The following SHISA9 variants were observed in gnomAD, a reference collection of about 807,000 sequenced individuals.
SHISA9 encodes protein shisa-9.
In SHISA9, 13 loss-of-function variants were observed where a neutral mutation model predicts 38.0. The ratio of observed to expected loss-of-function variants is 0.34; its 90% CI spans 0.22 to 0.54. The LOEUF is 0.54. SHISA9 is among the 20% of genes least tolerant of loss of function. SHISA9 has a pLI of 0.91. For synonymous variants in SHISA9, 275 were observed against 242.0 expected (o/e 1.14, Z -1.27); for missense variants, 538 against 575.8 (o/e 0.93, Z 0.67).
chr16:13,272,557 A>T, the SHISA9 span, among the ~76,000 whole-genome samples: 4 of 152,124 alleles, frequency 2.6e-5, no homozygotes, highest in Non-Finnish European at 5.9e-5. Flanking sequence ...AGTAAAATTG[A>T]TGAAGAGACC....
At chr16:13,285,462 G>GTTTTTTTTTTTTTT in the SHISA9 span, among the ~76,000 whole-genome samples, 25 of 95,788 alleles carry the variant, frequency 2.6e-4, no homozygotes, top group African/African-American at 1.1e-3. Flanking sequence ...TTCAGGTGTA[G>GTTTTTTTTTTTTTT]TTTTTTTTTT....
At chr16:13,293,263 C>A in the SHISA9 span, among the ~76,000 whole-genome samples, 2 of 152,170 alleles carry the variant, frequency 1.3e-5, no homozygotes, top group Non-Finnish European at 2.9e-5. Flanking sequence ...CACACACACA[C>A]CCTTACTTTT....
intron 2 of SHISA9, among the ~76,000 whole-genome samples, chr16:12,989,995 C>T (rs2072363938): frequency 6.6e-6 from 1 of 152,172 alleles, no homozygotes; most frequent in Non-Finnish European, 1.5e-5. Flanking sequence ...GTGTCCTCAT[C>T]ATTCAGCTCC....
intron 2 of SHISA9, among the ~76,000 whole-genome samples, chr16:13,199,956 G>C (rs1404341553): frequency 6.6e-6 from 1 of 152,166 alleles, no homozygotes; most frequent in Non-Finnish European, 1.5e-5. Context: ...AGCTTTGCCT[G>C]TGAACATGGG....
chr16:13,133,889 C>T (rs1353750466), intron 2 of SHISA9, among the ~76,000 whole-genome samples: 1 of 152,168 alleles, frequency 6.6e-6, no homozygotes, highest in Non-Finnish European at 1.5e-5. Context: ...AATATTTTAT[C>T]ATCGACATTG....
the SHISA9 span, among the ~76,000 whole-genome samples, chr16:13,260,827 CATG>C: frequency 1.3e-5 from 2 of 152,150 alleles, no homozygotes; most frequent in African/African-American, 2.4e-5. Context: ...ACTTCATTTT[CATG>C]CTGCTGATAA....
intron 2 of SHISA9, among the ~76,000 whole-genome samples, chr16:13,008,922 T>C (rs539288600): frequency 3.3e-5 from 5 of 152,042 alleles, no homozygotes; most frequent in Non-Finnish European, 7.3e-5. Flanking sequence ...ATATAAATTA[T>C]CCATAAAACA....
the SHISA9 span, among the ~76,000 whole-genome samples, chr16:13,303,545 A>G: frequency 6.6e-6 from 1 of 152,232 alleles, no homozygotes; most frequent in Admixed American, 6.5e-5. Flanking sequence ...GAATAGGTAA[A>G]CCTATAGAGA....
At chr16:13,043,530 G>A (rs8056891) in intron 2 of SHISA9, among the ~76,000 whole-genome samples, 90,671 of 152,060 alleles carry the variant, frequency 0.6, 28,066 homozygotes, top group Middle Eastern at 0.73. Context: ...TGCAAAACAC[G>A]TTATATTAAT....
chr16:13,150,510 A>C (rs1195392377), intron 2 of SHISA9, among the ~76,000 whole-genome samples: 1 of 152,180 alleles, frequency 6.6e-6, no homozygotes, highest in Non-Finnish European at 1.5e-5. Context: ...GGCTCACAAC[A>C]AACTCCAAGA....
chr16:13,216,332 G>A (rs1287153227), intron 4 of SHISA9, among the ~76,000 whole-genome samples: 1 of 152,122 alleles, frequency 6.6e-6, no homozygotes, highest in Non-Finnish European at 1.5e-5. Flanking sequence ...TCTGCAAAAT[G>A]GAGACCATCA....
the SHISA9 span, among the ~76,000 whole-genome samples, chr16:13,319,128 C>T: frequency 1.3e-5 from 2 of 152,248 alleles, no homozygotes; most frequent in African/African-American, 4.8e-5. Flanking sequence ...CTGCCTCAGC[C>T]TCCCGAGTAG....
intron 2 of SHISA9, among the ~76,000 whole-genome samples, chr16:12,934,028 G>A (rs1397568691): frequency 2.0e-5 from 3 of 152,282 alleles, no homozygotes; most frequent in Admixed American, 6.5e-5. Context: ...AGAGTGGGGG[G>A]AAAGGGCATT....
chr16:13,557,743 C>G, the SHISA9 span, among the ~76,000 whole-genome samples: 2 of 152,152 alleles, frequency 1.3e-5, no homozygotes, highest in Admixed American at 6.5e-5. Context: ...TCCCAGCAAT[C>G]TCTACCCAGG....
chr16:13,384,406 A>G, the SHISA9 span, among the ~76,000 whole-genome samples: 1 of 152,200 alleles, frequency 6.6e-6, no homozygotes, highest in Non-Finnish European at 1.5e-5. Flanking sequence ...CCCTGTCTTA[A>G]CTTTTGTTAC....
chr16:13,511,653 A>C, the SHISA9 span, among the ~76,000 whole-genome samples: 4 of 152,158 alleles, frequency 2.6e-5, no homozygotes, highest in Non-Finnish European at 5.9e-5. Context: ...AGAGTTTTCA[A>C]GTTACAGTAT....
At chr16:12,933,334 A>T (rs746472071) in intron 2 of SHISA9, among the ~76,000 whole-genome samples, 20 of 151,548 alleles carry the variant, frequency 1.3e-4, no homozygotes, top group Non-Finnish European at 2.6e-4. Context: ...TTGCTCTGCC[A>T]CCCAGGCTGG....
At chr16:13,276,701 C>T in the SHISA9 span, among the ~76,000 whole-genome samples, 1 of 151,920 alleles carries the variant, frequency 6.6e-6, no homozygotes, top group African/African-American at 2.4e-5. Flanking sequence ...GTTTGTTGGC[C>T]ATTTGTATAT....
chr16:13,037,140 A>T (rs1449489614), intron 2 of SHISA9, among the ~76,000 whole-genome samples: 1 of 149,946 alleles, frequency 6.7e-6, no homozygotes, highest in Non-Finnish European at 1.5e-5. Context: ...ACACACACAC[A>T]CACACACACA....
Sources: allele counts gnomAD v4.1 joint callset (sites outside exome capture counted in the v4.1 genomes callset), GRCh38; gene constraint gnomAD v4.1.1; transcripts MANE v1.5; gene names NCBI Gene and HGNC (gene_info 2026-07-23, HGNC 2026-07-21).